Variants in STAP1 observed in about 807,000 individuals in gnomAD.
The protein encoded by STAP1 is signal-transducing adaptor protein 1.
In STAP1, 30 loss-of-function variants were observed where a neutral mutation model predicts 37.8. That is an observed-to-expected ratio of 0.79 (90% CI 0.59 to 1.08). The LOEUF (loss-of-function observed/expected upper bound fraction) is 1.08. Ranked by LOEUF, STAP1 falls within the 50% of genes least tolerant of loss-of-function variation. The pLI, the probability that STAP1 is intolerant of heterozygous loss-of-function variation, is 0.00. For missense variants in STAP1, 357 were observed against 349.4 expected, an observed-to-expected ratio of 1.02 and a Z score of -0.17; for synonymous variants, 130 against 116.0, an observed-to-expected ratio of 1.12 and a Z score of -0.78.
At chr4:67,583,828 G>A in intron 6 of STAP1, 126 bp downstream of exon 6, 1 of 1,144,318 alleles carries the variant, frequency 8.7e-7, no homozygotes. Flanking sequence ...GCCGGGTGCG[G>A]TGGCTCACGC....
At chr4:67,576,213 C>A (rs1437468472) in intron 3 of STAP1, among the ~76,000 whole-genome samples, 1 of 152,186 alleles carries the variant, frequency 6.6e-6, no homozygotes, top group Non-Finnish European at 1.5e-5. Flanking sequence ...CAACGTTTTT[C>A]TCCTCTCCTA....
In STAP1 at chr4:67,558,823, A is replaced by C; in HGVS notation, c.14A>C (p.Lys5Thr). MMAK[K>T]PPKPAPRRIF... ...AAAGAGAGGGGTATGATGGCTAAGA[A>C]GCCCCCAAAACCAGCCCCTCGCAGG... Residue 5 changes from lysine to threonine, a missense_variant, in exon 1 of 9, where the codon AAG becomes ACG. Lys to Thr is a moderately conservative substitution (Grantham distance 78). Coordinates refer to ENST00000265404, the MANE Select transcript of STAP1 (RefSeq NM_012108.4). 3 of 1,613,340 alleles carry C rather than the reference A, an allele frequency of 1.9e-6. No homozygotes were observed. Among genetic ancestry groups the C allele is most frequent in the Non-Finnish European group, 2.5e-6 (3 of 1,179,540 alleles).
chr4:67,569,489 T>A (rs1474287376), intron 1 of STAP1, among the ~76,000 whole-genome samples: 1 of 152,218 alleles, frequency 6.6e-6, no homozygotes, highest in Non-Finnish European at 1.5e-5. Flanking sequence ...ACTTGTTTAA[T>A]TTTTGACTCT....
chr4:67,584,097 C>T (rs1268717836), intron 6 of STAP1, among the ~76,000 whole-genome samples: 1 of 7,646 alleles, frequency 1.3e-4, no homozygotes, highest in South Asian at 5.1e-3. Context: ...GACTCGGTCT[C>T]GAAAAAAAAA....
intron 4 of STAP1, among the ~76,000 whole-genome samples, chr4:67,580,619 CA>C (rs1468478964): frequency 1.3e-5 from 2 of 151,944 alleles, no homozygotes; most frequent in Non-Finnish European, 2.9e-5. Flanking sequence ...TTACCATTCA[CA>C]CTATACCTTC....
rs34000253 is a variant in STAP1, at chr4:67,562,601, T to TAAAAA, written c.120+3689_120+3693dup. Among the ~76,000 whole-genome samples, 336 of 117,254 alleles carry TAAAAA rather than the reference T, an allele frequency of 2.9e-3. 2 individuals are homozygous for TAAAAA. Among genetic ancestry groups the TAAAAA allele is most frequent in the Middle Eastern group, 4.5e-3 (1 of 222 alleles). 76.9% of individuals were successfully genotyped at this position (117,254 alleles called of 152,430 possible). On this transcript the variant is annotated intron_variant, in intron 1 of 8. Transcript: ENST00000265404. ...TAACAAGGTGAAACCCTGTCTCTAC[T>TAAAAA]AAAAAAAAAAAAAAAAAAAAATTAG...
At chr4:67,579,251 C>T (rs1327792978) in intron 4 of STAP1, among the ~76,000 whole-genome samples, 2 of 152,116 alleles carry the variant, frequency 1.3e-5, no homozygotes, top group African/African-American at 4.8e-5. Flanking sequence ...TGAACATTTA[C>T]AGTATGTTGT....
At chr4:67,562,228 G>A (rs1727364591) in intron 1 of STAP1, among the ~76,000 whole-genome samples, 1 of 151,016 alleles carries the variant, frequency 6.6e-6, no homozygotes, top group South Asian at 2.1e-4. Flanking sequence ...CCCGGTCCCA[G>A]CTATTCGGAA....
chr4:67,558,999 T>G, intron 1 of STAP1, 70 bp downstream of exon 1: 1 of 1,472,748 alleles, frequency 6.8e-7, no homozygotes, highest in African/African-American at 1.4e-5. Context: ...CATGGTGATG[T>G]GATGTGTTAA....
chr4:67,573,597 C>T (rs763185815), intron 2 of STAP1, among the ~76,000 whole-genome samples: 21 of 151,982 alleles, frequency 1.4e-4, no homozygotes, highest in Non-Finnish European at 2.8e-4. Flanking sequence ...AACCTCCCTT[C>T]CATATTTTTT....
At chr4:67,603,841 G>A (rs1056030474) in intron 8 of STAP1, among the ~76,000 whole-genome samples, 3 of 151,944 alleles carry the variant, frequency 2.0e-5, no homozygotes, top group African/African-American at 7.3e-5. Context: ...GATTGGGGGA[G>A]GGGTGCCACA....
intron 1 of STAP1, among the ~76,000 whole-genome samples, chr4:67,559,736 A>G (rs989660186): frequency 7.2e-5 from 11 of 152,112 alleles, no homozygotes; most frequent in African/African-American, 2.7e-4. Flanking sequence ...ACTGACTAAA[A>G]CTAGAAAAAT....
intron 4 of STAP1, among the ~76,000 whole-genome samples, chr4:67,580,408 A>G (rs1331675016): frequency 6.6e-6 from 1 of 152,202 alleles, no homozygotes; most frequent in African/African-American, 2.4e-5. Context: ...ACTTGTACGC[A>G]TATTAAAACA....
At chr4:67,561,814 A>C (rs1962700) in intron 1 of STAP1, among the ~76,000 whole-genome samples, 112,141 of 151,832 alleles carry the variant, frequency 0.74, 42,900 homozygotes, top group Non-Finnish European at 0.86. Context: ...TGGCTCATGC[A>C]TGTAATCCCA....
At chr4:67,567,344 T>C (rs1002769066) in intron 1 of STAP1, among the ~76,000 whole-genome samples, 6 of 147,674 alleles carry the variant, frequency 4.1e-5, no homozygotes, top group South Asian at 4.3e-4. Flanking sequence ...GCAGGTTCAT[T>C]GCATGTTATA....
chr4:67,583,525 T>A (rs1354991817), intron 5 of STAP1, 49 bp from the exon 6 acceptor site: 2 of 1,535,666 alleles, frequency 1.3e-6, no homozygotes, highest in South Asian at 2.5e-5. Flanking sequence ...CAAGTAATGA[T>A]CTTCATCAGT....
intron 6 of STAP1, among the ~76,000 whole-genome samples, chr4:67,584,825 T>C (rs1191241578): frequency 6.6e-6 from 1 of 152,168 alleles, no homozygotes; most frequent in African/African-American, 2.4e-5. Context: ...CAGATCATTG[T>C]AGGGACAAGG....
intron 6 of STAP1, among the ~76,000 whole-genome samples, chr4:67,587,768 T>G (rs1217570187): frequency 6.7e-6 from 1 of 149,112 alleles, no homozygotes; most frequent in Non-Finnish European, 1.5e-5. Context: ...TTGCCCAGTC[T>G]GGAGTTCAAT....
rs557638148 is a variant in STAP1, at chr4:67,583,603, C to T, written c.560C>T (p.Ala187Val). 4 of 1,613,352 alleles carry T rather than the reference C, an allele frequency of 2.5e-6. No individual in the cohort carries two copies. In the African/African-American group the frequency reaches 5.3e-5, roughly 22 times the overall value. ...ACFYTVSRKE[A>V]TEMLQKNPSL... Reference sequence around the variant, plus strand: ...TTTTATACAGTGTCCCGGAAAGAGGCAACTGAGATGCTCCAGAAGAACCCT... The same window carrying T: ...TTTTATACAGTGTCCCGGAAAGAGGTAACTGAGATGCTCCAGAAGAACCCT... The change falls in exon 6 of 9, where the codon GCA becomes GTA. Residue 187 changes from alanine (A) to valine (V), a missense_variant. Coordinates refer to ENST00000265404, the MANE Select transcript of STAP1 (RefSeq NM_012108.4).
Sources: allele counts gnomAD v4.1 joint callset (sites outside exome capture counted in the v4.1 genomes callset), GRCh38; gene constraint gnomAD v4.1.1; transcripts MANE v1.5; gene names NCBI Gene and HGNC (gene_info 2026-07-23, HGNC 2026-07-21).